HTR1F: variants seen among roughly 807,000 people sequenced by gnomAD.
HTR1F encodes 5-hydroxytryptamine (serotonin) receptor 1F, G protein-coupled.
Under a neutral mutation model 24.0 loss-of-function variants are expected in HTR1F, and 17 were observed. The ratio of observed to expected loss-of-function variants is 0.71; its 90% CI spans 0.48 to 1.06. HTR1F has a LOEUF of 1.06. Ranked by LOEUF, HTR1F falls within the 50% of genes least tolerant of loss-of-function variation. The pLI is 0.00. For synonymous variants in HTR1F, 186 were observed against 156.8 expected (o/e 1.19, Z -1.39); for missense variants, 391 against 427.8 (o/e 0.91, Z 0.76).
intron 2 of HTR1F, among the ~76,000 whole-genome samples, chr3:87,979,846 A>AC (rs1018788462): frequency 6.6e-6 from 1 of 152,134 alleles, no homozygotes; most frequent in African/African-American, 2.4e-5. Context: ...CCTCTGTGCA[A>AC]CCCTGCAGCT....
chr3:87,929,841 T>C lies in HTR1F; in HGVS notation c.-42-60867T>C, dbSNP rs1704218448. On this transcript the variant is annotated intron_variant, in intron 2 of 2. Coordinates refer to ENST00000319595, the MANE Select transcript of HTR1F (RefSeq NM_001322209.2). The stretch of plus-strand genomic sequence containing the variant: ...GTTTTTTCTAGTTCTTTGAAGAATG[T>C]CCTTGCTAGATTGATAGGAGTAGCA... Among the ~76,000 whole-genome samples the C allele has an allele frequency of 2.0e-5, 3 of 152,208 alleles. No individual in the cohort carries two copies. The East Asian group carries it at 5.8e-4, about 29-fold the overall frequency.
At chr3:87,955,471 G>A (rs1704923845) in intron 2 of HTR1F, among the ~76,000 whole-genome samples, 1 of 151,328 alleles carries the variant, frequency 6.6e-6, no homozygotes, top group Non-Finnish European at 1.5e-5. Flanking sequence ...GTTGTTTCTA[G>A]TTTGAGGCTA....
At position 87,992,113 on chromosome 3, in the gene HTR1F, GA is replaced by G. The variant is rs564208849; in HGVS notation, c.*269del. ...TGCAATGTTCCTAAAAAGCTAACTGGAAAAAATATATATATATACAATAGTA... is the reference window on the plus strand; with the variant it reads ...TGCAATGTTCCTAAAAAGCTAACTGGAAAAATATATATATATACAATAGTA... On this transcript the variant is annotated 3_prime_UTR_variant, in exon 3 of 3. Coordinates refer to ENST00000319595, the MANE Select transcript of HTR1F (RefSeq NM_001322209.2). The G allele has an allele frequency of 2.7e-4, 61 of 228,792 alleles. 1 individual carries two copies. In the East Asian group the frequency reaches 6.4e-3, roughly 24 times the overall value. The allele number at this position is 228,792 out of a possible 1,614,324, so 14.2% of individuals were successfully genotyped here. A position where few individuals can be genotyped will look rare whatever the true frequency, so the allele number is the denominator to read the frequency against.
intron 2 of HTR1F, among the ~76,000 whole-genome samples, chr3:87,929,153 T>TC (rs1272327385): frequency 2.6e-5 from 4 of 152,150 alleles, no homozygotes; most frequent in African/African-American, 9.6e-5. Flanking sequence ...GTTAAGATGT[T>TC]CCCCCCTTAC....
At chr3:87,803,161 C>T (rs1467355962) in intron 1 of HTR1F, among the ~76,000 whole-genome samples, 1 of 152,074 alleles carries the variant, frequency 6.6e-6, no homozygotes, top group Non-Finnish European at 1.5e-5. Context: ...TTTCCTTTCC[C>T]CTCTCTCTTC....
At chr3:87,985,499 C>T (rs574786713) in intron 2 of HTR1F, among the ~76,000 whole-genome samples, 75 of 152,338 alleles carry the variant, frequency 4.9e-4, no homozygotes, top group African/African-American at 1.6e-3. Context: ...TATTAAACAT[C>T]TGTGCTTCAG....
At chr3:87,838,139 T>C (rs866066597) in intron 2 of HTR1F, among the ~76,000 whole-genome samples, 6 of 152,114 alleles carry the variant, frequency 3.9e-5, no homozygotes, top group Admixed American at 2.0e-4. Context: ...ATCTTAATGA[T>C]ATAATAATTG....
intron 2 of HTR1F, among the ~76,000 whole-genome samples, chr3:87,886,747 A>T (rs945976310): frequency 1.3e-5 from 2 of 152,204 alleles, no homozygotes; most frequent in African/African-American, 4.8e-5. Context: ...TACAGAGAAT[A>T]AAACACCTAG....
At chr3:87,917,116 T>C (rs1703910912) in intron 2 of HTR1F, among the ~76,000 whole-genome samples, 1 of 151,968 alleles carries the variant, frequency 6.6e-6, no homozygotes, top group South Asian at 2.1e-4. Flanking sequence ...TAATGATCAT[T>C]GAGTTAAAAA....
rs534130724 is a variant in HTR1F at position 87,935,675 on chromosome 3, T to A, written c.-42-55033T>A. ...ATAATCTAAAAACAAACCATTTCACTGTTTCATTAAGTTTCCATTTTGTTG... is the reference window on the plus strand; with the variant it reads ...ATAATCTAAAAACAAACCATTTCACAGTTTCATTAAGTTTCCATTTTGTTG... On this transcript the variant is annotated intron_variant, in intron 2 of 2. Transcript: ENST00000319595. 9.3e-4 allele frequency among the ~76,000 whole-genome samples: 141 copies of A among 152,336 alleles called. No individual in the cohort carries two copies. The Middle Eastern group carries it at 0.014, about 15-fold the overall frequency.
intron 2 of HTR1F, among the ~76,000 whole-genome samples, chr3:87,903,467 C>T (rs567584968): frequency 1.0e-3 from 157 of 151,946 alleles, no homozygotes; most frequent in South Asian, 6.7e-3. Flanking sequence ...GGGCAAAGGA[C>T]ATGAACAGAC....
At chr3:87,858,722 G>T (rs1410269812) in intron 2 of HTR1F, among the ~76,000 whole-genome samples, 3 of 150,222 alleles carry the variant, frequency 2.0e-5, no homozygotes, top group African/African-American at 7.4e-5. Context: ...CCTCCTTTTT[G>T]CCTAAAAGCA....
chr3:87,877,702 A>C (rs73147264), intron 2 of HTR1F, among the ~76,000 whole-genome samples: 11,383 of 152,278 alleles, frequency 0.075, 518 homozygotes, highest in Middle Eastern at 0.12. Flanking sequence ...ACTGACTCTG[A>C]GTTAACTCTA....
Position 87,991,111 on chromosome 3 carries a change from G to C in HTR1F, c.362G>C (p.Arg121Pro). ...CATCTCTCAGCTATAGCTTTGGATC[G>C]GTATCGAGCAATCACAGATGCTGTT... ...ILHLSAIALD[R>P]YRAITDAVEY... The change falls in exon 3 of 3, where the codon CGG becomes CCG. Residue 121 changes from arginine to proline, a missense_variant. Transcript: ENST00000319595. 1 of 1,613,896 alleles carries C rather than the reference G, an allele frequency of 6.2e-7. No individual in the cohort carries two copies. The highest frequency in any genetic ancestry group is 8.5e-7 in the Non-Finnish European group (1 of 1,180,018).
intron 2 of HTR1F, among the ~76,000 whole-genome samples, chr3:87,936,284 A>G (rs908836114): frequency 6.6e-6 from 1 of 152,270 alleles, no homozygotes. Flanking sequence ...GTATGCTAAA[A>G]TTAAGTCTTT....
chr3:87,812,203 G>T (rs1333946916), intron 1 of HTR1F, among the ~76,000 whole-genome samples: 2 of 152,168 alleles, frequency 1.3e-5, no homozygotes, highest in African/African-American at 4.8e-5. Flanking sequence ...TTGGAACTGG[G>T]TAATGGGCAG....
chr3:87,836,355 G>C (rs762018022), intron 2 of HTR1F, among the ~76,000 whole-genome samples: 1 of 152,012 alleles, frequency 6.6e-6, no homozygotes, highest in Non-Finnish European at 1.5e-5. Flanking sequence ...TTTAGCTTTT[G>C]TTTTTTGTGC....
chr3:87,844,881 G>C (rs1704902885), intron 2 of HTR1F, among the ~76,000 whole-genome samples: 1 of 151,422 alleles, frequency 6.6e-6, no homozygotes, highest in South Asian at 2.1e-4. Flanking sequence ...CTGTTCCATT[G>C]ATCTATATCT....
At chr3:87,926,794 T>C (rs185310957) in intron 2 of HTR1F, among the ~76,000 whole-genome samples, 1 of 152,244 alleles carries the variant, frequency 6.6e-6, no homozygotes, top group African/African-American at 2.4e-5. Context: ...TTGTTTCACT[T>C]AGGAAGAGTT....
Sources: gnomAD v4.1 joint callset for allele counts (sites outside exome capture counted in the v4.1 genomes callset) on GRCh38, gnomAD v4.1.1 for gene constraint, MANE v1.5 for transcripts, NCBI Gene and HGNC (gene_info 2026-07-23, HGNC 2026-07-21) for gene names.